STARD7: variants seen among roughly 807,000 people sequenced by gnomAD.
STARD7 encodes the protein stAR-related lipid transfer protein 7, mitochondrial.
In STARD7, 30 loss-of-function variants were observed where a neutral mutation model predicts 45.3. The ratio of observed to expected loss-of-function variants is 0.66; its 90% CI spans 0.50 to 0.90. STARD7 has a LOEUF of 0.90. Ranked by LOEUF, STARD7 falls within the 40% of genes least tolerant of loss-of-function variation. The pLI is 0.00. For missense variants in STARD7, 495 were observed against 491.3 expected, an observed-to-expected ratio of 1.01 and a Z score of -0.07; for synonymous variants, 199 against 183.0, an observed-to-expected ratio of 1.09 and a Z score of -0.70.
chr2:96,199,973 T>A (rs1274087155), intron 1 of STARD7, among the ~76,000 whole-genome samples: 1 of 152,248 alleles, frequency 6.6e-6, no homozygotes, highest in African/African-American at 2.4e-5. Context: ...GATTTTTGTA[T>A]GAAGAACCGA....
At chr2:96,187,046 A>G (rs572669741) in intron 7 of STARD7, 132 bp from the exon 8 acceptor site, 2 of 956,212 alleles carry the variant, frequency 2.1e-6, no homozygotes, top group African/African-American at 1.7e-5. Context: ...TAGCCTGTGA[A>G]TAAGAGCTGC....
In STARD7 at chr2:96,208,260, CGAG is replaced by C; in HGVS notation, c.172_174del (p.Leu58del). On this transcript the variant is annotated inframe_deletion, in exon 1 of 8. Transcript: ENST00000337288. ...CCGTGCAGCCGGCGCCAGAGGCGGC[CGAG>C]GAGAACGCGGCGTGAGCTCTCGGAG... 2 of 1,611,856 alleles carry C rather than the reference CGAG, an allele frequency of 1.2e-6. No homozygotes were observed. The highest frequency in any genetic ancestry group is 8.5e-7 in the Non-Finnish European group (1 of 1,179,440).
At chr2:96,199,003 T>C (rs1683266221) in intron 1 of STARD7, among the ~76,000 whole-genome samples, 2 of 152,224 alleles carry the variant, frequency 1.3e-5, no homozygotes, top group Non-Finnish European at 2.9e-5. Context: ...TAAAGGTTTA[T>C]TTCTAGACTC....
At chr2:96,205,536 A>G (rs1683375208) in intron 1 of STARD7, among the ~76,000 whole-genome samples, 1 of 152,234 alleles carries the variant, frequency 6.6e-6, no homozygotes, top group Non-Finnish European at 1.5e-5. Context: ...TTAACAATGA[A>G]AGAAATGCAC....
At position 96,185,389 on chromosome 2, in the gene STARD7, AAAAC is replaced by A. The variant is rs1683019845; in HGVS notation, c.*1337_*1340del. On this transcript the variant is annotated 3_prime_UTR_variant, in exon 8 of 8. Transcript: ENST00000337288. ...AGTAGCAAGCAGGAAAACAAAAACA[AAAAC>A]AAAAACAAAAACTCTGGCCCTCAAG... 1 of 152,458 alleles carries A rather than the reference AAAAC, an allele frequency of 6.6e-6. No homozygotes were observed. The highest frequency in any genetic ancestry group is 2.4e-5 in the African/African-American group (1 of 41,444). The allele number at this position is 152,458 out of a possible 1,614,324, so 9.4% of individuals were successfully genotyped here.
chr2:96,202,094 T>A (rs972113826), intron 1 of STARD7, among the ~76,000 whole-genome samples: 3 of 152,146 alleles, frequency 2.0e-5, no homozygotes, highest in African/African-American at 7.2e-5. Flanking sequence ...CTGCCTGAAA[T>A]CCCTTTCTAT....
chr2:96,190,415 A>C (rs929214319), intron 6 of STARD7, among the ~76,000 whole-genome samples: 11 of 147,918 alleles, frequency 7.4e-5, no homozygotes, highest in Non-Finnish European at 1.6e-4. Flanking sequence ...GGCTCACTGC[A>C]ACCTCTGCCT....
At position 96,192,374 on chromosome 2, in the gene STARD7, CA is replaced by C; in HGVS notation, c.837del (p.Phe279LeufsTer10). The C allele has an allele frequency of 6.2e-7, 1 of 1,612,842 alleles. No homozygotes were observed. The highest frequency in any genetic ancestry group is 8.5e-7 in the Non-Finnish European group (1 of 1,178,882). On this transcript the variant is annotated frameshift_variant, in exon 6 of 8. Coordinates refer to ENST00000337288, the MANE Select transcript of STARD7 (RefSeq NM_020151.4). LOFTEE classifies it high-confidence loss of function. ...TTGGATGAGGTAAAACTCACCTCATCAAATGACTTGTGGGGACGGATAACCA... is the reference window on the plus strand; with the variant it reads ...TTGGATGAGGTAAAACTCACCTCATCAATGACTTGTGGGGACGGATAACCA... ...SQMVIRPHKS[F>X]DENGFDYLLT...
chr2:96,199,186 AG>A (rs1159615357), intron 1 of STARD7, among the ~76,000 whole-genome samples: 1 of 152,214 alleles, frequency 6.6e-6, no homozygotes, highest in Non-Finnish European at 1.5e-5. Flanking sequence ...TATGACTATC[AG>A]AAGTGGCTTG....
At chr2:96,192,227 G>C (rs894749466) in intron 6 of STARD7, 142 bp downstream of exon 6, 2 of 668,752 alleles carry the variant, frequency 3.0e-6, no homozygotes, top group African/African-American at 3.6e-5. Flanking sequence ...CCCAAAAAAT[G>C]GTTCCCAGAC....
Position 96,193,116 on chromosome 2 carries a change from A to T in STARD7, c.705T>A (p.Ser235Arg), listed in dbSNP as rs772545183. The T allele has an allele frequency of 6.8e-6, 11 of 1,613,866 alleles. No homozygotes were observed. Among genetic ancestry groups the T allele is most frequent in the East Asian group, 6.7e-5 (3 of 44,888 alleles). ...CCATCATGTTGTTTTCCTGATCCACACTATACCGCCGAACATAAACATAAT... is the reference window on the plus strand; with the variant it reads ...CCATCATGTTGTTTTCCTGATCCACTCTATACCGCCGAACATAAACATAAT... ...SRDYVYVRRY[S>R]VDQENNMMVL... The change falls in exon 5 of 8, where the codon AGT becomes AGA. Residue 235 changes from serine (S) to arginine (R), a missense_variant. Coordinates refer to ENST00000337288, the MANE Select transcript of STARD7 (RefSeq NM_020151.4).
chr2:96,207,272 CA>C (rs1558738737), intron 1 of STARD7, among the ~76,000 whole-genome samples: 4 of 152,148 alleles, frequency 2.6e-5, no homozygotes, highest in Admixed American at 1.3e-4. Flanking sequence ...GAGGAAATAT[CA>C]AGAATAAACA....
chr2:96,187,298 C>T lies in STARD7; in HGVS notation c.847G>A (p.Gly283Ser). Reference protein sequence around the residue: ...IRPHKSFDENGFDYLLTYSDN... With the variant: ...IRPHKSFDENSFDYLLTYSDN... ...CTGTATGTTAGTAAGTAGTCAAAGC[C>T]ATTCTGGAAAAGAAAAACAGCAAAA... Residue 283 changes from glycine (G) to serine (S), a missense_variant, in exon 7 of 8, where the codon GGC becomes AGC. Physicochemically the swap from Gly to Ser is moderately conservative, Grantham distance 56. Around this residue, in one of 2 missense-constraint regions of STARD7, gnomAD observed 213 missense variants for 271.2 expected, o/e 0.79. Coordinates refer to ENST00000337288, the MANE Select transcript of STARD7 (RefSeq NM_020151.4). 1 of 1,612,156 alleles carries T rather than the reference C, an allele frequency of 6.2e-7. No homozygotes were observed. The highest frequency in any genetic ancestry group is 8.5e-7 in the Non-Finnish European group (1 of 1,178,368).
At chr2:96,201,121 C>G (rs990247295) in intron 1 of STARD7, among the ~76,000 whole-genome samples, 1 of 152,148 alleles carries the variant, frequency 6.6e-6, no homozygotes, top group Non-Finnish European at 1.5e-5. Context: ...TCCTTAATAG[C>G]CCAGAATCAG....
intron 1 of STARD7, among the ~76,000 whole-genome samples, chr2:96,203,991 C>T (rs150954149): frequency 9.3e-5 from 14 of 150,038 alleles, no homozygotes; most frequent in Admixed American, 4.6e-4. Flanking sequence ...TAGAGCCAGG[C>T]GCCTGGCTCT....
At chr2:96,186,969 A>C (rs1266046680) in intron 7 of STARD7, 55 bp from the exon 8 acceptor site, 1 of 1,491,170 alleles carries the variant, frequency 6.7e-7, no homozygotes, top group Non-Finnish European at 9.1e-7. Flanking sequence ...AGTAGGCTCA[A>C]AATGAGAAGA....
In STARD7 at chr2:96,195,366, T is replaced by C. The variant is rs531384546; in HGVS notation, c.474A>G (p.Thr158=). 48 of 1,583,826 alleles carry C rather than the reference T, an allele frequency of 3.0e-5. No homozygotes were observed. In the Middle Eastern group the frequency reaches 5.6e-4, roughly 19 times the overall value. Residue 158 remains threonine, a synonymous_variant, in exon 2 of 8, where the codon ACA becomes ACG. Transcript: ENST00000337288. Reference sequence around the variant, plus strand: ...CTCGGTACTGGTAAAGGTGGGTGCCTGTAATTGGGCGCCGCCACAGCTTAA... The same window carrying C: ...CTCGGTACTGGTAAAGGTGGGTGCCCGTAATTGGGCGCCGCCACAGCTTAA... ...KHFKLWRRPI[T]GTHLYQYRVF...
At chr2:96,194,081 C>T (rs1683167264) in intron 3 of STARD7, among the ~76,000 whole-genome samples, 1 of 152,106 alleles carries the variant, frequency 6.6e-6, no homozygotes, top group Non-Finnish European at 1.5e-5. Context: ...AACATTGGGC[C>T]AACACAGTGA....
intron 7 of STARD7, 115 bp downstream of exon 7, chr2:96,187,102 C>CAAA: frequency 1.1e-6 from 1 of 895,574 alleles, no homozygotes; most frequent in African/African-American, 1.7e-5. Flanking sequence ...AACTCTGTCT[C>CAAA]AGAAAAAAAA....
Sources: gnomAD v4.1 joint callset for allele counts (sites outside exome capture counted in the v4.1 genomes callset) on GRCh38, gnomAD v4.1.1 for gene constraint, gnomAD v4.1.1 regional missense constraint, MANE v1.5 for transcripts, NCBI Gene and HGNC (gene_info 2026-07-23, HGNC 2026-07-21) for gene names.